The following WWOX variants were observed in gnomAD, a reference collection of about 807,000 sequenced individuals.
WWOX encodes the protein WW domain-containing oxidoreductase.
A neutral mutation model predicts 46.2 loss-of-function variants in WWOX; 69 were observed. The ratio of observed to expected loss-of-function variants is 1.49; its 90% CI spans 1.23 to 1.82. The LOEUF is 1.82. WWOX is among the 40% of genes most tolerant of loss of function. The pLI is 0.00. For missense variants in WWOX, 919 were observed against 542.6 expected (o/e 1.69, Z -6.89); for synonymous variants, 359 against 202.6 (o/e 1.77, Z -6.56).
intron 4 of WWOX, among the ~76,000 whole-genome samples, chr16:78,152,313 C>G (rs981151926): frequency 2.6e-5 from 4 of 152,050 alleles, no homozygotes; most frequent in Admixed American, 2.0e-4. Flanking sequence ...TTTATATAAC[C>G]TAATTGATAA....
chr16:78,684,083 G>T (rs529852136), intron 8 of WWOX, among the ~76,000 whole-genome samples: 1 of 152,188 alleles, frequency 6.6e-6, no homozygotes, highest in Admixed American at 6.5e-5. Flanking sequence ...TTCCTTTTTA[G>T]CTCATGGCCG....
chr16:78,731,559 CTTT>C (rs1225568126), intron 8 of WWOX, among the ~76,000 whole-genome samples: 6 of 152,076 alleles, frequency 3.9e-5, no homozygotes, highest in Non-Finnish European at 8.8e-5. Context: ...TTCTTACCTT[CTTT>C]ATTTCCTCGT....
chr16:78,775,950 C>T (rs578192800), intron 8 of WWOX, among the ~76,000 whole-genome samples: 2 of 152,294 alleles, frequency 1.3e-5, no homozygotes, highest in South Asian at 2.1e-4. Context: ...CTACTCTAAA[C>T]GTAAGACCCT....
intron 8 of WWOX, among the ~76,000 whole-genome samples, chr16:78,774,958 T>G (rs2050153595): frequency 6.6e-6 from 1 of 152,074 alleles, no homozygotes; most frequent in African/African-American, 2.4e-5. Flanking sequence ...AGCAGATATT[T>G]GTGGTGTATG....
chr16:78,373,060 C>T (rs1045484799), intron 5 of WWOX, among the ~76,000 whole-genome samples: 1 of 152,094 alleles, frequency 6.6e-6, no homozygotes, highest in Non-Finnish European at 1.5e-5. Context: ...CTGTAATGTC[C>T]TAACTTTCAT....
intron 5 of WWOX, among the ~76,000 whole-genome samples, chr16:78,210,286 CTGTATTTAA>C (rs1438029200): frequency 6.6e-6 from 1 of 152,146 alleles, no homozygotes; most frequent in African/African-American, 2.4e-5. Flanking sequence ...TTGAGCCATG[CTGTATTTAA>C]CAGGGAAGCA....
chr16:79,044,393 T>C (rs1051087824), intron 8 of WWOX, among the ~76,000 whole-genome samples: 1 of 152,184 alleles, frequency 6.6e-6, no homozygotes. Flanking sequence ...GGATTTCTCA[T>C]GAATGGTTTA....
At position 78,621,592 on chromosome 16, in the gene WWOX, C is replaced by CTTTTTTTTTTTTTTTTTTTTTTTTTTT. The variant is rs34182797; in HGVS notation, c.1056+188844_1056+188870dup. 1.6e-3 allele frequency among the ~76,000 whole-genome samples: 49 copies of CTTTTTTTTTTTTTTTTTTTTTTTTTTT among 31,540 alleles called. 15 individuals are homozygous for CTTTTTTTTTTTTTTTTTTTTTTTTTTT. Among genetic ancestry groups the CTTTTTTTTTTTTTTTTTTTTTTTTTTT allele is most frequent in the Admixed American group, 3.3e-3 (7 of 2,120 alleles). 20.7% of individuals were successfully genotyped at this position (31,540 alleles called of 152,430 possible). ...ACCTTTAACCTTGTGTTGTTCTAAT[C>CTTTTTTTTTTTTTTTTTTTTTTTTTTT]TTTTTTTTTTTTTTTTTTTTTTTTT... On this transcript the variant is annotated intron_variant, in intron 8 of 8. Coordinates refer to ENST00000566780, the MANE Select transcript of WWOX (RefSeq NM_016373.4).
chr16:79,047,672 A>ATTTTTTTTTTTTTTTTTT (rs71140858), intron 8 of WWOX, among the ~76,000 whole-genome samples: 7 of 53,542 alleles, frequency 1.3e-4, no homozygotes, highest in African/African-American at 2.3e-4. Context: ...GACTGTCCTG[A>ATTTTTTTTTTTTTTTTTT]TTTTTTTTTT....
chr16:79,166,337 A>T (rs2050594060), intron 8 of WWOX, among the ~76,000 whole-genome samples: 1 of 152,172 alleles, frequency 6.6e-6, no homozygotes, highest in Non-Finnish European at 1.5e-5. Flanking sequence ...ATGGAATTAC[A>T]TTATTTCCAC....
intron 8 of WWOX, among the ~76,000 whole-genome samples, chr16:78,851,624 A>G (rs1034620997): frequency 1.3e-5 from 2 of 152,220 alleles, no homozygotes; most frequent in African/African-American, 4.8e-5. Flanking sequence ...CCAACCTAGG[A>G]CAGTGTCAGA....
rs778723646 is a variant in WWOX at position 78,849,573 on chromosome 16, C to CAAAA, written c.1057-362019_1057-362016dup. The stretch of plus-strand genomic sequence containing the variant: ...TGGGTGACAGAGCCTGAATCCCTCT[C>CAAAA]AAAAAAAAAAAAAAAAAAAGAAAAC... On this transcript the variant is annotated intron_variant, in intron 8 of 8. Transcript: ENST00000566780. Among the ~76,000 whole-genome samples the CAAAA allele has an allele frequency of 1.0e-3, 97 of 97,262 alleles. 1 individual carries two copies. In the East Asian group the frequency reaches 0.011, roughly 11 times the overall value. 63.8% of individuals were successfully genotyped at this position (97,262 alleles called of 152,430 possible). A position where few individuals can be genotyped will look rare whatever the true frequency, so the allele number is the denominator to read the frequency against.
chr16:78,897,860 C>G (rs1425691879), intron 8 of WWOX: 1 of 152,008 alleles, frequency 6.6e-6, no homozygotes, highest in Non-Finnish European at 1.5e-5. Flanking sequence ...TAATTATAGC[C>G]TTTTTGTGGG....
intron 8 of WWOX, among the ~76,000 whole-genome samples, chr16:78,601,294 T>A (rs1329759520): frequency 6.6e-6 from 1 of 152,192 alleles, no homozygotes; most frequent in Non-Finnish European, 1.5e-5. Flanking sequence ...AAAAGCAAGT[T>A]GCAAACTCTG....
At chr16:78,530,329 G>A (rs533981694) in intron 8 of WWOX, among the ~76,000 whole-genome samples, 1 of 152,298 alleles carries the variant, frequency 6.6e-6, no homozygotes, top group African/African-American at 2.4e-5. Flanking sequence ...GTGTCCAGGA[G>A]GAACGAGGTC....
Position 78,886,558 on chromosome 16 carries a change from CTGTTT to C in WWOX, c.1057-325048_1057-325044del, listed in dbSNP as rs1597106765. Among the ~76,000 whole-genome samples the C allele has an allele frequency of 2.0e-5, 3 of 151,126 alleles. No homozygotes were observed. The East Asian group carries it at 5.8e-4, about 29-fold the overall frequency. On this transcript the variant is annotated intron_variant, in intron 8 of 8. Coordinates refer to ENST00000566780, the MANE Select transcript of WWOX (RefSeq NM_016373.4). ...TCTAGAATTTCATCTCACATCTAAA[CTGTTT>C]TAAGACACTTGGTACACATTGATAT...
intron 2 of WWOX, 99 bp downstream of exon 2, chr16:78,108,586 G>A: frequency 1.4e-6 from 2 of 1,385,360 alleles, no homozygotes; most frequent in Non-Finnish European, 2.0e-6. Context: ...GTTTAGGGAG[G>A]GCTCTCTGGT....
At chr16:78,951,709 C>A (rs1364942919) in intron 8 of WWOX, among the ~76,000 whole-genome samples, 2 of 152,202 alleles carry the variant, frequency 1.3e-5, no homozygotes, top group Admixed American at 1.3e-4. Flanking sequence ...ACCGGGGAAC[C>A]AGGTGAGGGG....
chr16:78,143,759 T>G (rs1306183194), intron 4 of WWOX, among the ~76,000 whole-genome samples: 6 of 150,680 alleles, frequency 4.0e-5, no homozygotes, highest in African/African-American at 1.2e-4. Flanking sequence ...TATGTTTTTT[T>G]TTTTTTTTTT....
Sources: gnomAD v4.1 joint callset for allele counts (sites outside exome capture counted in the v4.1 genomes callset) on GRCh38, gnomAD v4.1.1 for gene constraint, MANE v1.5 for transcripts, NCBI Gene and HGNC (gene_info 2026-07-23, HGNC 2026-07-21) for gene names.